TRIM40: variants seen among roughly 807,000 people sequenced by gnomAD.
The protein encoded by TRIM40 is E3 ubiquitin ligase TRIM40.
A neutral mutation model predicts 26.1 loss-of-function variants in TRIM40; 27 were observed. The ratio of observed to expected loss-of-function variants is 1.04; its 90% CI spans 0.76 to 1.43. The LOEUF (loss-of-function observed/expected upper bound fraction) is 1.43. Ranked by LOEUF, TRIM40 falls within the 40% of genes most tolerant of loss-of-function variation. The pLI is 0.00. For synonymous variants in TRIM40, 114 were observed against 120.0 expected, an observed-to-expected ratio of 0.95 and a Z score of 0.33; for missense variants, 289 against 307.9, an observed-to-expected ratio of 0.94 and a Z score of 0.46.
intron 2 of TRIM40, 78 bp downstream of exon 2, chr6:30,137,459 C>T: frequency 7.9e-7 from 1 of 1,267,074 alleles, no homozygotes; most frequent in Non-Finnish European, 1.1e-6. Context: ...TCATGCCTGG[C>T]ACCTCAGAGT....
intron 2 of TRIM40, among the ~76,000 whole-genome samples, chr6:30,144,631 A>G (rs9261505): frequency 0.2 from 30,119 of 152,082 alleles, 3,322 homozygotes; most frequent in East Asian, 0.24. Context: ...GAGAGGAGGT[A>G]CAGAAAGGCA....
At chr6:30,146,602 G>A (rs1294982652) in intron 3 of TRIM40, among the ~76,000 whole-genome samples, 1 of 152,054 alleles carries the variant, frequency 6.6e-6, no homozygotes, top group South Asian at 2.1e-4. Flanking sequence ...TAGTAGAGAT[G>A]GGGTTTCACC....
chr6:30,143,234 T>C (rs1771451865), intron 2 of TRIM40, among the ~76,000 whole-genome samples: 1 of 152,154 alleles, frequency 6.6e-6, no homozygotes, highest in African/African-American at 2.4e-5. Flanking sequence ...GCTATGTATT[T>C]TACAACACTA....
At chr6:30,144,689 G>T (rs143464551) in intron 2 of TRIM40, among the ~76,000 whole-genome samples, 1 of 152,096 alleles carries the variant, frequency 6.6e-6, no homozygotes, top group Non-Finnish European at 1.5e-5. Flanking sequence ...GGAGAGAGAG[G>T]CTTTAAAGGA....
In TRIM40 at chr6:30,147,208, A is replaced by G; in HGVS notation, c.665A>G (p.Lys222Arg). The G allele has an allele frequency of 6.2e-7, 1 of 1,614,206 alleles. No individual in the cohort carries two copies. Among genetic ancestry groups the G allele is most frequent in the Non-Finnish European group, 8.5e-7 (1 of 1,180,018 alleles). ...TAKELDTNTLKNAGDLLNRSA... is the reference protein window; with the variant it reads ...TAKELDTNTLRNAGDLLNRSA... The stretch of plus-strand genomic sequence containing the variant: ...AAGGAATTAGACACCAACACACTGA[A>G]GGTGCATACCCTGAGGCCTTCCCCA... Residue 222 changes from lysine to arginine, a missense_variant and splice_region_variant, in exon 4 of 6, where the codon AAG becomes AGG. Lys to Arg is a conservative substitution (Grantham distance 26). Coordinates refer to ENST00000396581, the MANE Select transcript of TRIM40 (RefSeq NM_001286633.2).
At chr6:30,143,748 C>T (rs555057296) in intron 2 of TRIM40, among the ~76,000 whole-genome samples, 9 of 151,926 alleles carry the variant, frequency 5.9e-5, no homozygotes, top group Admixed American at 4.6e-4. Flanking sequence ...CCATTAAATA[C>T]CTTTATGCAA....
At chr6:30,144,245 G>A (rs1264912496) in intron 2 of TRIM40, among the ~76,000 whole-genome samples, 1 of 152,108 alleles carries the variant, frequency 6.6e-6, no homozygotes, top group East Asian at 1.9e-4. Context: ...ATCAACAAAG[G>A]TGAAATGTGA....
At chr6:30,146,774 C>T (rs1203916973) in intron 3 of TRIM40, among the ~76,000 whole-genome samples, 1 of 152,166 alleles carries the variant, frequency 6.6e-6, no homozygotes, top group Non-Finnish European at 1.5e-5. Context: ...CACATGGCAT[C>T]TGTAGATATT....
rs565354041 is a variant in TRIM40, at chr6:30,148,625, C to T, written c.*813C>T. Reference sequence around the variant, plus strand: ...CCGGATAAGAACCTAGTCCAGCCAACACCTTGATTATAGTCTTGTGAGTAC... The same window carrying T: ...CCGGATAAGAACCTAGTCCAGCCAATACCTTGATTATAGTCTTGTGAGTAC... On this transcript the variant is annotated 3_prime_UTR_variant, in exon 6 of 6. Coordinates refer to ENST00000396581, the MANE Select transcript of TRIM40 (RefSeq NM_001286633.2). 6.6e-6 allele frequency: 1 copy of T among 152,356 alleles called. No homozygotes were observed. Among genetic ancestry groups the T allele is most frequent in the East Asian group, 1.9e-4 (1 of 5,188 alleles). 9.4% of individuals were successfully genotyped at this position (152,356 alleles called of 1,614,324 possible).
At chr6:30,142,081 G>A (rs1016905175) in intron 2 of TRIM40, among the ~76,000 whole-genome samples, 3 of 149,906 alleles carry the variant, frequency 2.0e-5, no homozygotes, top group Admixed American at 6.7e-5. Flanking sequence ...TATTGACAGC[G>A]TAATTTTGAA....
chr6:30,147,133 G>A lies in TRIM40; in HGVS notation c.590G>A (p.Arg197Lys). 6.2e-7 allele frequency: 1 copy of A among 1,614,208 alleles called. No individual in the cohort carries two copies. Among genetic ancestry groups the A allele is most frequent in the Non-Finnish European group, 8.5e-7 (1 of 1,180,044 alleles). Residue 197 changes from arginine (R) to lysine (K), a missense_variant, in exon 4 of 6, where the codon AGG (arginine) becomes AAG (lysine). By Grantham distance (26) the Arg-to-Lys change is conservative. Coordinates refer to ENST00000396581, the MANE Select transcript of TRIM40 (RefSeq NM_001286633.2). The stretch of plus-strand genomic sequence containing the variant: ...GCGGCCAGAATCCTTGACATCTCCA[G>A]GGCAGTAACACAGCTCAGAAGCCTG... Reference protein sequence around the residue: ...AEAARILDISRAVTQLRSLVI... With the variant: ...AEAARILDISKAVTQLRSLVI...
intron 2 of TRIM40, among the ~76,000 whole-genome samples, chr6:30,145,311 T>A (rs970491542): frequency 7.9e-5 from 12 of 151,998 alleles, no homozygotes; most frequent in Non-Finnish European, 1.2e-4. Context: ...TTGTTTTCTA[T>A]TTTATCATTC....
intron 2 of TRIM40, among the ~76,000 whole-genome samples, chr6:30,138,189 A>G (rs1035054399): frequency 6.6e-6 from 1 of 152,194 alleles, no homozygotes; most frequent in African/African-American, 2.4e-5. Flanking sequence ...GATCTTCTGA[A>G]TTATTTTCAA....
At position 30,137,152 on chromosome 6, in the gene TRIM40, C is replaced by T; in HGVS notation, c.116C>T (p.Thr39Ile). The change falls in exon 2 of 6, where the codon ACA becomes ATA. Residue 39 changes from threonine (T) to isoleucine (I), a missense_variant. Transcript: ENST00000396581. ...CATCTCTTCTGTCGAGTGTGCCTGA[C>T]ACAGCATGTGGAGAAGGCCTCAGCC... Reference protein sequence around the residue: ...CGHLFCRVCLTQHVEKASASG... With the variant: ...CGHLFCRVCLIQHVEKASASG... 6.2e-7 allele frequency: 1 copy of T among 1,613,118 alleles called. No homozygotes were observed. The highest frequency in any genetic ancestry group is 1.6e-4 in the Middle Eastern group (1 of 6,062).
intron 2 of TRIM40, among the ~76,000 whole-genome samples, chr6:30,139,348 T>C (rs9261478): frequency 0.18 from 25,686 of 143,504 alleles, 2,611 homozygotes; most frequent in East Asian, 0.25. Flanking sequence ...TCTTTTTTTT[T>C]TTTTTTTTTT....
intron 2 of TRIM40, among the ~76,000 whole-genome samples, chr6:30,143,431 C>CTTTTTTT (rs9278593): frequency 3.4e-5 from 4 of 116,450 alleles, no homozygotes; most frequent in African/African-American, 6.5e-5. Flanking sequence ...GTTAATTTTT[C>CTTTTTTT]TTTTTTTTTT....
chr6:30,147,237 G>T, intron 4 of TRIM40, 28 bp downstream of exon 4: 1 of 1,612,338 alleles, frequency 6.2e-7, no homozygotes, highest in Non-Finnish European at 8.5e-7. Context: ...TTCCCCAAGG[G>T]CTGGGATTCT....
intron 2 of TRIM40, among the ~76,000 whole-genome samples, chr6:30,140,278 T>C (rs1341851420): frequency 6.6e-6 from 1 of 152,190 alleles, no homozygotes; most frequent in Non-Finnish European, 1.5e-5. Context: ...CACGTATGTT[T>C]ATTGTGGCAT....
Position 30,146,981 on chromosome 6 carries a change from G to A in TRIM40, c.442-4G>A, listed in dbSNP as rs1771700736. 2.5e-6 allele frequency: 4 copies of A among 1,577,236 alleles called. No homozygotes were observed. The highest frequency in any genetic ancestry group is 1.9e-5 in the Admixed American group (1 of 53,564). ...CTGAGTCTTAGGGAGCCCCTTTCCT[G>A]TAGTTTCAGGTAGACCACGGGAACC... is the stretch of plus-strand genomic sequence containing the variant. On this transcript the variant is annotated splice_polypyrimidine_tract_variant and splice_region_variant and intron_variant, in intron 3 of 5. Coordinates refer to ENST00000396581, the MANE Select transcript of TRIM40 (RefSeq NM_001286633.2).
Sources: allele counts gnomAD v4.1 joint callset (sites outside exome capture counted in the v4.1 genomes callset), GRCh38; gene constraint gnomAD v4.1.1; transcripts MANE v1.5; gene names NCBI Gene and HGNC (gene_info 2026-07-23, HGNC 2026-07-21).